Variants in ALK observed in about 807,000 individuals in gnomAD.
ALK encodes ALK tyrosine kinase receptor.
Under a neutral mutation model 163.1 loss-of-function variants are expected in ALK, and 74 were observed. The observed-to-expected ratio is 0.45, with a 90% CI of 0.38 to 0.55. The LOEUF is 0.55. Ranked by LOEUF, ALK falls within the 20% of genes least tolerant of loss-of-function variation. The pLI, the probability that ALK is intolerant of heterozygous loss-of-function variation, is 0.00. For missense variants in ALK, 2,063 were observed against 2,105.3 expected, an observed-to-expected ratio of 0.98 and a Z score of 0.39; for synonymous variants, 960 against 843.2, an observed-to-expected ratio of 1.14 and a Z score of -2.40.
chr2:29,503,578 G>T (rs543552708), intron 4 of ALK, among the ~76,000 whole-genome samples: 47 of 152,310 alleles, frequency 3.1e-4, no homozygotes, highest in African/African-American at 1.1e-3. Flanking sequence ...AAATGACTTT[G>T]CTTGGGGAAC....
At chr2:29,604,230 G>A (rs547170225) in intron 3 of ALK, among the ~76,000 whole-genome samples, 30 of 149,166 alleles carry the variant, frequency 2.0e-4, no homozygotes, top group African/African-American at 6.9e-4. Context: ...ATTTTATGAC[G>A]TGAGGATTAC....
chr2:29,704,987 G>A (rs902552464), intron 2 of ALK, among the ~76,000 whole-genome samples: 10 of 151,738 alleles, frequency 6.6e-5, no homozygotes, highest in African/African-American at 1.9e-4. Flanking sequence ...GGAGGCCAAG[G>A]CGGATGGATC....
chr2:29,707,583 G>A (rs1395073234), intron 2 of ALK, among the ~76,000 whole-genome samples: 1 of 152,188 alleles, frequency 6.6e-6, no homozygotes, highest in East Asian at 1.9e-4. Context: ...AGGAGATAAG[G>A]TTATTCTAGG....
At chr2:29,272,233 G>A (rs1052139777) in intron 11 of ALK, among the ~76,000 whole-genome samples, 7 of 151,188 alleles carry the variant, frequency 4.6e-5, no homozygotes, top group African/African-American at 7.3e-5. Flanking sequence ...CTGCAGCCCC[G>A]TGGTCACATT....
At chr2:29,583,687 T>C (rs1674792366) in intron 3 of ALK, among the ~76,000 whole-genome samples, 1 of 152,106 alleles carries the variant, frequency 6.6e-6, no homozygotes, top group Admixed American at 6.6e-5. Context: ...CTCTCTTCCT[T>C]GCTGTTTGTC....
rs553520619 is a variant in ALK at position 29,890,894 on chromosome 2, C to G, written c.667+29099G>C. On this transcript the variant is annotated intron_variant, in intron 1 of 28. Coordinates refer to ENST00000389048, the MANE Select transcript of ALK (RefSeq NM_004304.5). Reference sequence around the variant, plus strand: ...TAGCTCAGCACACATCTTCTCAAAACATAATAAAAGAGGAACTGAATAGAA... The same window carrying G: ...TAGCTCAGCACACATCTTCTCAAAAGATAATAAAAGAGGAACTGAATAGAA... 2.6e-5 allele frequency: 4 copies of G among 152,294 alleles called. No individual in the cohort carries two copies. The East Asian group carries it at 7.7e-4, about 29-fold the overall frequency. The allele number at this position is 152,294 out of a possible 1,614,324, so 9.4% of individuals were successfully genotyped here. A position where few individuals can be genotyped will look rare whatever the true frequency, so the allele number is the denominator to read the frequency against.
chr2:29,318,472 A>G (rs1666900992), intron 7 of ALK, 68 bp from the exon 8 acceptor site: 4 of 1,104,008 alleles, frequency 3.6e-6, no homozygotes, highest in Non-Finnish European at 5.6e-6. Context: ...GTGCAGGGTT[A>G]ATGGACTGTG....
chr2:29,903,622 C>T (rs1440167604), intron 1 of ALK, among the ~76,000 whole-genome samples: 1 of 152,118 alleles, frequency 6.6e-6, no homozygotes, highest in African/African-American at 2.4e-5. Flanking sequence ...ATGATTGGAA[C>T]AGAAAACCAT....
Position 29,552,446 on chromosome 2 carries a change from A to C in ALK, c.953-20330T>G, listed in dbSNP as rs1673737516. Among the ~76,000 whole-genome samples, 3 of 152,164 alleles carry C rather than the reference A, an allele frequency of 2.0e-5. No homozygotes were observed. In the South Asian group the frequency reaches 6.2e-4, roughly 32 times the overall value. On this transcript the variant is annotated intron_variant, in intron 3 of 28. Transcript: ENST00000389048. ...CCAGACTGTTTTCCATGGCAACTAC[A>C]CCACTTTACATTCCCACGAGCAATA...
chr2:29,794,280 G>C (rs577356476), intron 1 of ALK, among the ~76,000 whole-genome samples: 2 of 152,270 alleles, frequency 1.3e-5, no homozygotes, highest in Non-Finnish European at 2.9e-5. Context: ...GAATTGAAGA[G>C]AGTTGAACTT....
chr2:29,818,451 G>T (rs551457620), intron 1 of ALK, among the ~76,000 whole-genome samples: 11 of 152,360 alleles, frequency 7.2e-5, no homozygotes, highest in African/African-American at 2.6e-4. Flanking sequence ...AAAATGAGAC[G>T]TTAGAGGAAG....
intron 3 of ALK, among the ~76,000 whole-genome samples, chr2:29,586,736 T>C (rs1248529084): frequency 2.6e-5 from 4 of 152,172 alleles, no homozygotes; most frequent in South Asian, 2.1e-4. Context: ...CATCTCCCCA[T>C]TGCTACCTAC....
At chr2:29,710,552 G>A (rs998647107) in intron 2 of ALK, among the ~76,000 whole-genome samples, 1 of 150,112 alleles carries the variant, frequency 6.7e-6, no homozygotes, top group Non-Finnish European at 1.5e-5. Flanking sequence ...GTCTCGTTCT[G>A]TCACCCAGGC....
chr2:29,466,234 A>C (rs1252241646), intron 4 of ALK, among the ~76,000 whole-genome samples: 1 of 152,138 alleles, frequency 6.6e-6, no homozygotes, highest in Non-Finnish European at 1.5e-5. Context: ...AAACACTAGT[A>C]CAGACCTCAG....
intron 1 of ALK, among the ~76,000 whole-genome samples, chr2:29,898,908 A>C (rs1166639213): frequency 6.6e-6 from 1 of 152,238 alleles, no homozygotes; most frequent in Non-Finnish European, 1.5e-5. Context: ...CTGTAACTCC[A>C]AAAATTAAAG....
At chr2:29,687,848 T>C (rs115850747) in intron 3 of ALK, among the ~76,000 whole-genome samples, 1,818 of 152,324 alleles carry the variant, frequency 0.012, 42 homozygotes, top group African/African-American at 0.042. Flanking sequence ...AATTGTGGTA[T>C]AATATTTTAG....
chr2:29,502,175 C>T (rs961908698), intron 4 of ALK, among the ~76,000 whole-genome samples: 10 of 152,148 alleles, frequency 6.6e-5, no homozygotes, highest in Non-Finnish European at 1.3e-4. Context: ...CCTGCTCTTG[C>T]GAAGCATATA....
rs1558382722 is a variant in ALK at position 29,556,408 on chromosome 2, A to G, written c.953-24292T>C. Among the ~76,000 whole-genome samples, 5 of 152,214 alleles carry G rather than the reference A, an allele frequency of 3.3e-5. No homozygotes were observed. The South Asian group carries it at 1.0e-3, about 32-fold the overall frequency. ...TCAAGAACTGTTCACTCCTGTTATT[A>G]TTGTCATCACAGTCCTTACTATTGC... On this transcript the variant is annotated intron_variant, in intron 3 of 28. Coordinates refer to ENST00000389048, the MANE Select transcript of ALK (RefSeq NM_004304.5).
chr2:29,228,925 C>A lies in ALK; in HGVS notation c.2774G>T (p.Gly925Val). 5.0e-6 allele frequency: 7 copies of A among 1,394,514 alleles called. No individual in the cohort carries two copies. Among genetic ancestry groups the A allele is most frequent in the Non-Finnish European group, 7.1e-6 (7 of 985,146 alleles). 86.4% of individuals were successfully genotyped at this position (1,394,514 alleles called of 1,614,324 possible). The change falls in exon 16 of 29, where the codon GGA becomes GTA. Residue 925 changes from glycine (G) to valine (V), a missense_variant. Transcript: ENST00000389048. ...TCCTCCACCTGAGGAGCACCCCCCT[C>A]CACCCCCTCCGAAACCCCCTCTTGT... ...WETRGGFGGG[G>V]GGCSSGGGGG...
Sources: gnomAD v4.1 joint callset for allele counts (sites outside exome capture counted in the v4.1 genomes callset) on GRCh38, gnomAD v4.1.1 for gene constraint, MANE v1.5 for transcripts, NCBI Gene and HGNC (gene_info 2026-07-23, HGNC 2026-07-21) for gene names.